NT5DC1: variants seen among roughly 807,000 people sequenced by gnomAD.
NT5DC1 encodes 5'-nucleotidase domain containing 1.
Under a neutral mutation model 59.4 loss-of-function variants are expected in NT5DC1, and 42 were observed. The ratio of observed to expected loss-of-function variants is 0.71; its 90% CI spans 0.55 to 0.92. The LOEUF (loss-of-function observed/expected upper bound fraction) is 0.92, where lower values mean the gene tolerates loss of function less well. NT5DC1 is among the 40% of genes least tolerant of loss of function. The pLI is 0.00. For synonymous variants in NT5DC1, 172 were observed against 188.1 expected, an observed-to-expected ratio of 0.91 and a Z score of 0.70; for missense variants, 501 against 537.1, an observed-to-expected ratio of 0.93 and a Z score of 0.66.
chr6:116,181,862 A>T (rs2114475241), intron 6 of NT5DC1, among the ~76,000 whole-genome samples: 1 of 152,090 alleles, frequency 6.6e-6, no homozygotes. Context: ...TCCAACCAAA[A>T]TTTTATTTAT....
intron 6 of NT5DC1, among the ~76,000 whole-genome samples, chr6:116,181,927 T>A (rs542978342): frequency 1.3e-5 from 2 of 152,126 alleles, no homozygotes; most frequent in Non-Finnish European, 2.9e-5. Context: ...GTTACATGAA[T>A]AAGTTCTTTG....
Position 116,244,148 on chromosome 6 carries a change from C to A in NT5DC1, c.*124C>A. ...ATTGACCAATAAGTTGATATTTGTC[C>A]ATAGGTCTCCTTTCTATAAATCATC... On this transcript the variant is annotated 3_prime_UTR_variant, in exon 12 of 12. Coordinates refer to ENST00000319550, the MANE Select transcript of NT5DC1 (RefSeq NM_152729.3). 1 of 477,954 alleles carries A rather than the reference C, an allele frequency of 2.1e-6. No homozygotes were observed. The allele number at this position is 477,954 out of a possible 1,614,324, so 29.6% of individuals were successfully genotyped here. A position where few individuals can be genotyped will look rare whatever the true frequency, so the allele number is the denominator to read the frequency against.
rs529730829 is a variant in NT5DC1 at position 116,110,735 on chromosome 6, A to G, written c.258-115A>G. On this transcript the variant is annotated intron_variant, in intron 3 of 11. Coordinates refer to ENST00000319550, the MANE Select transcript of NT5DC1 (RefSeq NM_152729.3). ...GGAGGCACCCAGTTGAAAACAGAAA[A>G]AATACATATGTTTTTGTTAGCTCCA... The G allele has an allele frequency of 1.4e-4, 114 of 820,942 alleles. 2 individuals are homozygous for G. In the South Asian group the frequency reaches 1.6e-3, roughly 11 times the overall value. The allele number at this position is 820,942 out of a possible 1,614,324, so 50.9% of individuals were successfully genotyped here.
intron 6 of NT5DC1, 174 bp downstream of exon 6, chr6:116,118,119 T>A (rs1779004649): frequency 1.6e-6 from 1 of 644,366 alleles, no homozygotes; most frequent in Non-Finnish European, 2.8e-6. Flanking sequence ...TTATTTGTGC[T>A]TCTTTCATGG....
intron 3 of NT5DC1, among the ~76,000 whole-genome samples, chr6:116,109,205 A>T (rs1299650484): frequency 3.3e-5 from 5 of 151,966 alleles, no homozygotes; most frequent in African/African-American, 1.2e-4. Context: ...AAAGGAGAGA[A>T]CTCCCAGACC....
intron 6 of NT5DC1, among the ~76,000 whole-genome samples, chr6:116,147,999 T>TGG (rs1209875191): frequency 7.1e-6 from 1 of 141,362 alleles, no homozygotes; most frequent in African/African-American, 2.6e-5. Flanking sequence ...AAAAAAAAGG[T>TGG]GGGGGGGGTT....
intron 6 of NT5DC1, among the ~76,000 whole-genome samples, chr6:116,197,360 A>AT (rs964539994): frequency 2.6e-5 from 4 of 152,016 alleles, no homozygotes; most frequent in African/African-American, 9.7e-5. Flanking sequence ...AAAGTCCTTG[A>AT]TTCTCTGCTA....
intron 6 of NT5DC1, among the ~76,000 whole-genome samples, chr6:116,118,638 A>G (rs777295421): frequency 2.0e-5 from 3 of 152,238 alleles, no homozygotes; most frequent in Non-Finnish European, 4.4e-5. Context: ...AATTTTAAAT[A>G]TTATAACCAA....
intron 6 of NT5DC1, among the ~76,000 whole-genome samples, chr6:116,172,136 T>C (rs1780622977): frequency 6.6e-6 from 1 of 152,200 alleles, no homozygotes; most frequent in South Asian, 2.1e-4. Context: ...TAACCTGTTG[T>C]AAATTTGTAA....
chr6:116,116,617 G>T (rs1026938096), intron 5 of NT5DC1, among the ~76,000 whole-genome samples: 3 of 152,088 alleles, frequency 2.0e-5, no homozygotes, highest in African/African-American at 7.2e-5. Flanking sequence ...ACTCTAGCCT[G>T]GGCGACATAG....
rs183517341 is a variant in NT5DC1, at chr6:116,154,085, A to G, written c.529+36140A>G. Among the ~76,000 whole-genome samples, 383 of 148,478 alleles carry G rather than the reference A, an allele frequency of 2.6e-3. 9 individuals are homozygous for G. The South Asian group carries it at 0.042, about 16-fold the overall frequency. Reference sequence around the variant, plus strand: ...GGTGATGGGCTAATTGAAGTGATTGACCAAAGAGATGTTAAAACATGGCTC... The same window carrying G: ...GGTGATGGGCTAATTGAAGTGATTGGCCAAAGAGATGTTAAAACATGGCTC... On this transcript the variant is annotated intron_variant, in intron 6 of 11. Coordinates refer to ENST00000319550, the MANE Select transcript of NT5DC1 (RefSeq NM_152729.3).
In NT5DC1 at chr6:116,117,917, A is replaced by T; in HGVS notation, c.501A>T (p.Gln167His). ...DFWKDIVAAI[Q>H]HNYKMSAFKE... ...GGAAGGATATAGTTGCTGCTATACA[A>T]CACAATTATAAAATGTCAGCTTTTA... is the stretch of plus-strand genomic sequence containing the variant. Residue 167 changes from glutamine (Q) to histidine (H), a missense_variant, in exon 6 of 12, where the codon CAA becomes CAT. Gln to His is a conservative substitution (Grantham distance 24). Transcript: ENST00000319550. 2 of 1,575,704 alleles carry T rather than the reference A, an allele frequency of 1.3e-6. No individual in the cohort carries two copies. The highest frequency in any genetic ancestry group is 8.7e-7 in the Non-Finnish European group (1 of 1,145,102).
At position 116,231,147 on chromosome 6, in the gene NT5DC1, A is replaced by AACC. The variant is rs899675633; in HGVS notation, c.803-5819_803-5818insACC. Among the ~76,000 whole-genome samples, 11 of 56,082 alleles carry AACC rather than the reference A, an allele frequency of 2.0e-4. No individual in the cohort carries two copies. In the East Asian group the frequency reaches 0.031, roughly 156 times the overall value. 36.8% of individuals were successfully genotyped at this position (56,082 alleles called of 152,430 possible). On this transcript the variant is annotated intron_variant, in intron 8 of 11. Coordinates refer to ENST00000319550, the MANE Select transcript of NT5DC1 (RefSeq NM_152729.3). ...AAAAAGAACTATGAATGAATGGTAA[A>AACC]TCCCCCCCCCAAACCAAAGTAGATA...
intron 9 of NT5DC1, chr6:116,237,700 C>G: frequency 3.1e-6 from 1 of 320,520 alleles, no homozygotes; most frequent in South Asian, 2.7e-5. Context: ...AGGGAACTTT[C>G]CAGATTCAAC....
At chr6:116,142,353 TTAA>T (rs1779789063) in intron 6 of NT5DC1, among the ~76,000 whole-genome samples, 2 of 152,134 alleles carry the variant, frequency 1.3e-5, no homozygotes, top group African/African-American at 4.8e-5. Flanking sequence ...TAAAAAAAAA[TTAA>T]TAACATAAAA....
Position 116,106,189 on chromosome 6 carries a change from T to G in NT5DC1, c.94-55T>G, listed in dbSNP as rs117550416. ...CATTAGGGTTTTAGGTCTGTGACAT[T>G]AAGAATGAATAGTGGGTGTTATATT... On this transcript the variant is annotated intron_variant, in intron 1 of 11. Transcript: ENST00000319550. The G allele has an allele frequency of 2.0e-3, 1,780 of 880,338 alleles. 3 individuals carry two copies. Among genetic ancestry groups the G allele is most frequent in the Non-Finnish European group, 2.6e-3 (1,346 of 512,158 alleles). 54.5% of individuals were successfully genotyped at this position (880,338 alleles called of 1,614,324 possible). A position where few individuals can be genotyped will look rare whatever the true frequency, so the allele number is the denominator to read the frequency against.
chr6:116,120,650 G>T (rs774533338), intron 6 of NT5DC1: 1 of 1,547,736 alleles, frequency 6.5e-7, no homozygotes, highest in Admixed American at 2.1e-5. Flanking sequence ...TGGTGGCCCG[G>T]TGGGTCCATT....
At chr6:116,147,698 A>G (rs1192021397) in intron 6 of NT5DC1, among the ~76,000 whole-genome samples, 1 of 152,204 alleles carries the variant, frequency 6.6e-6, no homozygotes, top group East Asian at 1.9e-4. Flanking sequence ...AACTTTAAAA[A>G]TGTTAAATGC....
At chr6:116,213,210 A>C (rs1402262680) in intron 6 of NT5DC1, among the ~76,000 whole-genome samples, 1 of 152,084 alleles carries the variant, frequency 6.6e-6, no homozygotes, top group Non-Finnish European at 1.5e-5. Flanking sequence ...TTGCAGTCAG[A>C]TGTCAGTGGG....
Sources: allele counts gnomAD v4.1 joint callset (sites outside exome capture counted in the v4.1 genomes callset), GRCh38; gene constraint gnomAD v4.1.1; transcripts MANE v1.5; gene names NCBI Gene and HGNC (gene_info 2026-07-23, HGNC 2026-07-21).